ALG14: variants seen among roughly 807,000 people sequenced by gnomAD.
ALG14 encodes UDP-N-acetylglucosamine transferase subunit ALG14.
A neutral mutation model predicts 22.8 loss-of-function variants in ALG14; 17 were observed. The ratio of observed to expected loss-of-function variants is 0.75; its 90% CI spans 0.51 to 1.12. ALG14 has a LOEUF of 1.12. Among genes scored for constraint, ALG14 ranks in the 50% most tolerant of loss-of-function variants. The pLI, the probability that ALG14 is intolerant of heterozygous loss-of-function variation, is 0.00. For synonymous variants in ALG14, 89 were observed against 103.7 expected, an observed-to-expected ratio of 0.86 and a Z score of 0.86; for missense variants, 288 against 271.8, an observed-to-expected ratio of 1.06 and a Z score of -0.42.
chr1:95,031,877 C>A (rs1674018013), intron 2 of ALG14, among the ~76,000 whole-genome samples: 1 of 152,190 alleles, frequency 6.6e-6, no homozygotes, highest in African/African-American at 2.4e-5. Context: ...GGCACGATCT[C>A]AGCTCACTGC....
chr1:95,017,417 G>T (rs903640203), intron 3 of ALG14, among the ~76,000 whole-genome samples: 1 of 152,182 alleles, frequency 6.6e-6, no homozygotes, highest in Non-Finnish European at 1.5e-5. Flanking sequence ...ACCTAAGGGA[G>T]ACCTAGGAGA....
At chr1:95,063,755 G>C (rs1675251666) in intron 2 of ALG14, among the ~76,000 whole-genome samples, 1 of 152,080 alleles carries the variant, frequency 6.6e-6, no homozygotes. Flanking sequence ...GGATTGTCTT[G>C]GCTATTTGGG....
At chr1:95,053,298 G>A (rs368575395) in intron 2 of ALG14, among the ~76,000 whole-genome samples, 2 of 151,886 alleles carry the variant, frequency 1.3e-5, no homozygotes, top group East Asian at 1.9e-4. Flanking sequence ...AGCATTATTA[G>A]GGATAAAATG....
At position 95,057,055 on chromosome 1, in the gene ALG14, C is replaced by CAAAA. The variant is rs199574536; in HGVS notation, c.288+7807_288+7810dup. On this transcript the variant is annotated intron_variant, in intron 2 of 3. Coordinates refer to ENST00000370205, the MANE Select transcript of ALG14 (RefSeq NM_144988.4). Reference sequence around the variant, plus strand: ...TGGGCAACAGAGCGAGATTCTGGCTCAAAAAAAAAAAAAAAAAAATCTAAA... The same window carrying CAAAA: ...TGGGCAACAGAGCGAGATTCTGGCTCAAAAAAAAAAAAAAAAAAAAAAATCTAAA... 2.4e-4 allele frequency among the ~76,000 whole-genome samples: 24 copies of CAAAA among 100,648 alleles called. No homozygotes were observed. The South Asian group carries it at 4.8e-3, about 20-fold the overall frequency. 66.0% of individuals were successfully genotyped at this position (100,648 alleles called of 152,430 possible).
chr1:94,981,169 T>C lies in ALG14; in HGVS notation c.*1907A>G, dbSNP rs928408918. On this transcript the variant is annotated 3_prime_UTR_variant, in exon 4 of 4. Coordinates refer to ENST00000370205, the MANE Select transcript of ALG14 (RefSeq NM_144988.4). The stretch of plus-strand genomic sequence containing the variant: ...GTTGTCCCTGAAAAAATCACTTTCT[T>C]TCTAGAACAGTCAAGGCTTATTTCA... 1.9e-4 allele frequency: 29 copies of C among 152,206 alleles called. No homozygotes were observed. Among genetic ancestry groups the C allele is most frequent in the African/African-American group, 6.3e-4 (26 of 41,454 alleles). The allele number at this position is 152,206 out of a possible 1,614,324, so 9.4% of individuals were successfully genotyped here. A position where few individuals can be genotyped will look rare whatever the true frequency, so the allele number is the denominator to read the frequency against.
intron 3 of ALG14, among the ~76,000 whole-genome samples, chr1:95,026,924 T>G (rs1395310516): frequency 6.6e-6 from 1 of 152,158 alleles, no homozygotes; most frequent in South Asian, 2.1e-4. Flanking sequence ...TACGATAAAC[T>G]GGGTGGCTTA....
rs556414990 is a variant in ALG14, at chr1:94,978,216, C to A, written c.*4860G>T. 4.0e-5 allele frequency: 6 copies of A among 151,800 alleles called. No individual in the cohort carries two copies. The South Asian group carries it at 1.2e-3, about 32-fold the overall frequency. The allele number at this position is 151,800 out of a possible 1,614,324, so 9.4% of individuals were successfully genotyped here. On this transcript the variant is annotated 3_prime_UTR_variant, in exon 4 of 4. Transcript: ENST00000370205. ...TAGCTGGAATTACAGGCGCCCGCCA[C>A]CACGCCGGCAAATTTTTTGTATTTT...
In ALG14 at chr1:95,001,227, T is replaced by G. The variant is rs528889004; in HGVS notation, c.421-17921A>C. On this transcript the variant is annotated intron_variant, in intron 3 of 3. Coordinates refer to ENST00000370205, the MANE Select transcript of ALG14 (RefSeq NM_144988.4). ...TAAGGAGAAAGAGCAGCTTGCCTGA[T>G]CAGTGAGTTTAGGAGGACAGATTGA... Among the ~76,000 whole-genome samples, 5 of 152,330 alleles carry G rather than the reference T, an allele frequency of 3.3e-5. No homozygotes were observed. In the South Asian group the frequency reaches 8.3e-4, roughly 25 times the overall value.
intron 3 of ALG14, among the ~76,000 whole-genome samples, chr1:95,017,563 T>A (rs899704910): frequency 2.0e-5 from 3 of 151,750 alleles, no homozygotes; most frequent in Non-Finnish European, 4.4e-5. Flanking sequence ...TTCAACATGA[T>A]CCCAATGGAG....
At chr1:95,011,263 A>T (rs1673352534) in intron 3 of ALG14, among the ~76,000 whole-genome samples, 1 of 152,064 alleles carries the variant, frequency 6.6e-6, no homozygotes, top group Non-Finnish European at 1.5e-5. Flanking sequence ...GTGCCTTATA[A>T]AAGAGACCCT....
chr1:95,070,112 C>T (rs1291864283), intron 1 of ALG14, among the ~76,000 whole-genome samples: 3 of 152,080 alleles, frequency 2.0e-5, no homozygotes, highest in Non-Finnish European at 4.4e-5. Flanking sequence ...GACCCCCATT[C>T]CAGAGAGGGC....
intron 2 of ALG14, among the ~76,000 whole-genome samples, chr1:95,057,622 C>CTGCG (rs1674979112): frequency 6.9e-6 from 1 of 143,956 alleles, no homozygotes; most frequent in South Asian, 2.3e-4. Context: ...AGATGACCAT[C>CTGCG]TGTGTGTGTG....
intron 3 of ALG14, among the ~76,000 whole-genome samples, chr1:95,009,050 C>T (rs956634834): frequency 5.9e-5 from 9 of 152,086 alleles, no homozygotes; most frequent in African/African-American, 2.2e-4. Flanking sequence ...TTTTGTTTCT[C>T]CACATCTGTT....
intron 3 of ALG14, among the ~76,000 whole-genome samples, chr1:94,988,063 A>T (rs1408590558): frequency 1.3e-5 from 2 of 152,158 alleles, no homozygotes; most frequent in Non-Finnish European, 2.9e-5. Flanking sequence ...GAAGGTAGAG[A>T]ACTGGAGCCC....
At chr1:95,000,875 C>T (rs1410758731) in intron 3 of ALG14, among the ~76,000 whole-genome samples, 2 of 151,810 alleles carry the variant, frequency 1.3e-5, no homozygotes, top group Non-Finnish European at 2.9e-5. Flanking sequence ...AAGACACATA[C>T]CTACCGAATG....
At chr1:95,029,009 G>A (rs1673912994) in intron 2 of ALG14, among the ~76,000 whole-genome samples, 1 of 152,142 alleles carries the variant, frequency 6.6e-6, no homozygotes, top group Admixed American at 6.5e-5. Flanking sequence ...ACCTATTTCT[G>A]TGTAACAAAT....
At chr1:95,036,419 C>CTTTTTTTTTTTTTTTTTTTTTTTTT (rs35068075) in intron 2 of ALG14, among the ~76,000 whole-genome samples, 1 of 71,860 alleles carries the variant, frequency 1.4e-5, no homozygotes, top group Admixed American at 1.8e-4. Flanking sequence ...AATTAAACCT[C>CTTTTTTTTTTTTTTTTTTTTTTTTT]TTTTTTTTTT....
At chr1:95,061,045 G>C (rs901482915) in intron 2 of ALG14, among the ~76,000 whole-genome samples, 2 of 152,224 alleles carry the variant, frequency 1.3e-5, no homozygotes, top group African/African-American at 4.8e-5. Flanking sequence ...GAGTGACGTA[G>C]CTGCAAGCTA....
intron 2 of ALG14, among the ~76,000 whole-genome samples, chr1:95,059,934 T>C (rs1257068905): frequency 6.6e-6 from 1 of 152,010 alleles, no homozygotes; most frequent in African/African-American, 2.4e-5. Flanking sequence ...TTGATCACTA[T>C]TGATTTCTTC....
Sources: allele counts gnomAD v4.1 joint callset (sites outside exome capture counted in the v4.1 genomes callset), GRCh38; gene constraint gnomAD v4.1.1; transcripts MANE v1.5; gene names NCBI Gene and HGNC (gene_info 2026-07-23, HGNC 2026-07-21).